TTC7B: variants seen among roughly 807,000 people sequenced by gnomAD.
TTC7B encodes tetratricopeptide repeat domain 7B.
TTC7B carries 28 observed loss-of-function variants against 106.8 expected under a neutral mutation model. The observed-to-expected ratio is 0.26, with a 90% confidence interval of 0.19 to 0.36. The LOEUF (loss-of-function observed/expected upper bound fraction) is 0.36. Ranked by LOEUF, TTC7B falls within the 10% of genes least tolerant of loss-of-function variation. The pLI, the probability that TTC7B is intolerant of heterozygous loss-of-function variation, is 1.00. For missense variants in TTC7B, 862 were observed against 1,076.4 expected (o/e 0.80, Z 2.79); for synonymous variants, 405 against 430.6 (o/e 0.94, Z 0.74).
In TTC7B at chr14:90,537,372, A is replaced by AGGGG. The variant is rs1311088772; in HGVS notation, c.*3995_*3996insCCCC. 6.4e-5 allele frequency: 2 copies of AGGGG among 31,354 alleles called. No homozygotes were observed. Among genetic ancestry groups the AGGGG allele is most frequent in the African/African-American group, 2.5e-4 (2 of 8,116 alleles). The allele number at this position is 31,354 out of a possible 1,614,324, so 1.9% of individuals were successfully genotyped here. ...TGGCTATTTTTTTTTTTTTGTAGAG[A>AGGGG]TGGGGGGGGGGTCTCACCATGTTGC... On this transcript the variant is annotated 3_prime_UTR_variant, in exon 20 of 20. Coordinates refer to ENST00000328459, the MANE Select transcript of TTC7B (RefSeq NM_001010854.2).
intron 5 of TTC7B, among the ~76,000 whole-genome samples, chr14:90,725,538 G>T (rs941412179): frequency 3.3e-5 from 5 of 152,188 alleles, no homozygotes; most frequent in African/African-American, 1.2e-4. Context: ...GTGATGAGTG[G>T]TCTATTTGTT....
Position 90,709,444 on chromosome 14 carries a change from C to G in TTC7B, c.699-13866G>C, listed in dbSNP as rs954608998. On this transcript the variant is annotated intron_variant, in intron 5 of 19. Coordinates refer to ENST00000328459, the MANE Select transcript of TTC7B (RefSeq NM_001010854.2). ...AGCAAACTATCACAAGGACAAAAAA[C>G]CAAACACCACACGTTCTCACTCATA... 2.7e-5 allele frequency among the ~76,000 whole-genome samples: 4 copies of G among 148,382 alleles called. No individual in the cohort carries two copies. The South Asian group carries it at 8.6e-4, about 32-fold the overall frequency.
At chr14:90,580,226 G>A (rs1319283166) in intron 18 of TTC7B, among the ~76,000 whole-genome samples, 1 of 152,228 alleles carries the variant, frequency 6.6e-6, no homozygotes, top group Admixed American at 6.5e-5. Context: ...TCACTGAATC[G>A]CTGAATGGAT....
rs57246097 is a variant in TTC7B, at chr14:90,537,373, T to TG, written c.*3994dup. The TG allele has an allele frequency of 0.19, 10,132 of 54,002 alleles. 587 individuals are homozygous for TG. Among genetic ancestry groups the TG allele is most frequent in the Middle Eastern group, 0.32 (35 of 110 alleles). 3.3% of individuals were successfully genotyped at this position (54,002 alleles called of 1,614,324 possible). On this transcript the variant is annotated 3_prime_UTR_variant, in exon 20 of 20. Transcript: ENST00000328459. ...GGCTATTTTTTTTTTTTTGTAGAGA[T>TG]GGGGGGGGGGTCTCACCATGTTGCC...
At chr14:90,733,765 T>C (rs1566861591) in intron 4 of TTC7B, among the ~76,000 whole-genome samples, 1 of 152,330 alleles carries the variant, frequency 6.6e-6, no homozygotes, top group East Asian at 1.9e-4. Context: ...GTTCTGACAC[T>C]GCTCACCCAC....
intron 3 of TTC7B, among the ~76,000 whole-genome samples, chr14:90,776,401 CCTT>C (rs1170936873): frequency 2.0e-5 from 3 of 152,186 alleles, no homozygotes; most frequent in East Asian, 1.9e-4. Context: ...TGGTAGATGA[CCTT>C]CTTCTAGGAA....
At chr14:90,770,605 A>G (rs1486141182) in intron 3 of TTC7B, among the ~76,000 whole-genome samples, 1 of 151,982 alleles carries the variant, frequency 6.6e-6, no homozygotes, top group Non-Finnish European at 1.5e-5. Flanking sequence ...GTGAGCCGAG[A>G]TCACGCCATT....
rs72691729 is a variant in TTC7B at position 90,559,970 on chromosome 14, C to G, written c.2310+18136G>C. ...CACCATCCTGGGCAATTCCAGGGCTCGTTCCTTCCCCCTTGGCCCCTGTCC... is the reference window on the plus strand; with the variant it reads ...CACCATCCTGGGCAATTCCAGGGCTGGTTCCTTCCCCCTTGGCCCCTGTCC... On this transcript the variant is annotated intron_variant, in intron 19 of 19. Transcript: ENST00000328459. 5.3e-5 allele frequency among the ~76,000 whole-genome samples: 8 copies of G among 152,352 alleles called. 1 individual carries two copies. Among genetic ancestry groups the G allele is most frequent in the Admixed American group, 4.6e-4 (7 of 15,314 alleles).
intron 3 of TTC7B, among the ~76,000 whole-genome samples, chr14:90,748,217 T>C (rs1890028712): frequency 6.6e-6 from 1 of 152,224 alleles, no homozygotes; most frequent in African/African-American, 2.4e-5. Flanking sequence ...TTCTCCTTTT[T>C]TTCTGTCATC....
intron 3 of TTC7B, among the ~76,000 whole-genome samples, chr14:90,763,309 TAGAC>T (rs1178750487): frequency 4.6e-5 from 7 of 152,196 alleles, no homozygotes; most frequent in Non-Finnish European, 8.8e-5. Flanking sequence ...ATAAAAAAAT[TAGAC>T]AGTGTCTAAA....
At chr14:90,669,022 C>A (rs933642948) in intron 9 of TTC7B, among the ~76,000 whole-genome samples, 1 of 151,788 alleles carries the variant, frequency 6.6e-6, no homozygotes, top group Non-Finnish European at 1.5e-5. Flanking sequence ...CATATACAGA[C>A]CAAAGGAACA....
Position 90,657,954 on chromosome 14 carries a change from G to A in TTC7B, c.1236+350C>T. ...CATGCACTGCCTAATATAACACATTGCTCAAGATAACCAACAGGTTTCCCC... is the reference window on the plus strand; with the variant it reads ...CATGCACTGCCTAATATAACACATTACTCAAGATAACCAACAGGTTTCCCC... On this transcript the variant is annotated intron_variant, in intron 10 of 19. Transcript: ENST00000328459. The surrounding 1 kb of genome is among the most constrained non-coding windows in gnomAD (Gnocchi z 4.2). 1 of 304,512 alleles carries A rather than the reference G, an allele frequency of 3.3e-6. No homozygotes were observed. The highest frequency in any genetic ancestry group is 6.4e-6 in the Non-Finnish European group (1 of 156,542). 18.9% of individuals were successfully genotyped at this position (304,512 alleles called of 1,614,324 possible). A position where few individuals can be genotyped will look rare whatever the true frequency, so the allele number is the denominator to read the frequency against.
chr14:90,582,569 GC>G (rs1245418191), intron 18 of TTC7B, among the ~76,000 whole-genome samples: 1 of 152,238 alleles, frequency 6.6e-6, no homozygotes, highest in African/African-American at 2.4e-5. Context: ...TCACCAGAAA[GC>G]CTGGAGCCCA....
intron 16 of TTC7B, among the ~76,000 whole-genome samples, chr14:90,613,288 G>A (rs1029275478): frequency 2.0e-5 from 3 of 152,184 alleles, no homozygotes; most frequent in Non-Finnish European, 4.4e-5. Flanking sequence ...CCAGCTATCT[G>A]AGAGGCTGAG....
At chr14:90,565,063 G>A (rs7154688) in intron 19 of TTC7B, among the ~76,000 whole-genome samples, 29 of 152,102 alleles carry the variant, frequency 1.9e-4, no homozygotes, top group South Asian at 2.1e-4. Context: ...ATGAACTAAC[G>A]TCTGCTAGCT....
chr14:90,790,779 G>A (rs952300697), intron 1 of TTC7B, among the ~76,000 whole-genome samples: 2 of 152,096 alleles, frequency 1.3e-5, no homozygotes, highest in Non-Finnish European at 2.9e-5. Context: ...GTGGGCTAGA[G>A]CTACTGAGTT....
chr14:90,730,487 G>A lies in TTC7B; in HGVS notation c.577-291C>T, dbSNP rs115007712. ...CTGTAAGAAGCACTAGAGGCGGAGA[G>A]GCCCTGCTGAATGCCAGGATACTGA... On this transcript the variant is annotated intron_variant, in intron 4 of 19. Coordinates refer to ENST00000328459, the MANE Select transcript of TTC7B (RefSeq NM_001010854.2). Among the ~76,000 whole-genome samples, 646 of 152,336 alleles carry A rather than the reference G, an allele frequency of 4.2e-3. 5 individuals are homozygous for A. The highest frequency in any genetic ancestry group is 0.015 in the African/African-American group (618 of 41,576).
At chr14:90,677,631 C>T (rs1004946736) in intron 8 of TTC7B, among the ~76,000 whole-genome samples, 1 of 152,118 alleles carries the variant, frequency 6.6e-6, no homozygotes, top group Non-Finnish European at 1.5e-5. Context: ...GAGAAAGGCC[C>T]CCCCAGTCTT....
intron 3 of TTC7B, among the ~76,000 whole-genome samples, chr14:90,771,698 TACAC>T (rs886964880): frequency 4.6e-5 from 7 of 151,742 alleles, no homozygotes; most frequent in Non-Finnish European, 8.8e-5. Flanking sequence ...TGTACACACA[TACAC>T]ACACACAGAA....
Sources: gnomAD v4.1 joint callset for allele counts (sites outside exome capture counted in the v4.1 genomes callset) on GRCh38, gnomAD v4.1.1 for gene constraint, Gnocchi (gnomAD v3.1) non-coding constraint, MANE v1.5 for transcripts, NCBI Gene and HGNC (gene_info 2026-07-23, HGNC 2026-07-21) for gene names.